CD247: variants seen among roughly 807,000 people sequenced by gnomAD.
CD247 encodes T-cell surface glycoprotein CD3 zeta chain.
In CD247, 13 loss-of-function variants were observed where a neutral mutation model predicts 30.0. That is an observed-to-expected ratio of 0.43 (90% CI 0.28 to 0.69). CD247 has a LOEUF of 0.69. Ranked by LOEUF, CD247 falls within the 30% of genes least tolerant of loss-of-function variation. The pLI is 0.16. For synonymous variants in CD247, 72 were observed against 80.0 expected (o/e 0.90, Z 0.53); for missense variants, 193 against 212.6 (o/e 0.91, Z 0.57).
intron 1 of CD247, among the ~76,000 whole-genome samples, chr1:167,470,642 C>G (rs545592317): frequency 3.2e-4 from 48 of 151,476 alleles, no homozygotes; most frequent in African/African-American, 1.1e-3. Flanking sequence ...TTTTTTTCTA[C>G]TGCTTTCCTT....
intron 1 of CD247, among the ~76,000 whole-genome samples, chr1:167,511,056 A>T (rs1020412016): frequency 6.6e-6 from 1 of 152,254 alleles, no homozygotes; most frequent in African/African-American, 2.4e-5. Context: ...CACTACCTGC[A>T]CCGAGCCTGC....
chr1:167,433,533 T>C (rs1571505390), intron 6 of CD247, among the ~76,000 whole-genome samples: 1 of 152,220 alleles, frequency 6.6e-6, no homozygotes, highest in Admixed American at 6.5e-5. Flanking sequence ...AGGGCACATG[T>C]TTCTCATTGG....
At chr1:167,502,276 A>G (rs1295089197) in intron 1 of CD247, among the ~76,000 whole-genome samples, 1 of 152,236 alleles carries the variant, frequency 6.6e-6, no homozygotes, top group Non-Finnish European at 1.5e-5. Context: ...ATCAGCGTTC[A>G]AAACGAATAA....
intron 4 of CD247, 23 bp downstream of exon 4, chr1:167,438,547 C>A (rs753554996): frequency 2.5e-6 from 4 of 1,595,120 alleles, no homozygotes; most frequent in Admixed American, 3.3e-5. Flanking sequence ...CAGGAACACA[C>A]AGGAAGGTAG....
At chr1:167,446,139 C>T (rs1056471914) in intron 1 of CD247, among the ~76,000 whole-genome samples, 1 of 152,164 alleles carries the variant, frequency 6.6e-6, no homozygotes, top group Non-Finnish European at 1.5e-5. Context: ...ATGCAGCTGA[C>T]CTATGGGCTC....
intron 1 of CD247, chr1:167,458,383 T>G (rs1652813861): frequency 6.6e-6 from 1 of 152,448 alleles, no homozygotes; most frequent in African/African-American, 2.4e-5. Context: ...CTGCCCTGCA[T>G]GTGACTCAGG....
chr1:167,459,761 G>A (rs1357438332), intron 1 of CD247: 3 of 152,200 alleles, frequency 2.0e-5, no homozygotes, highest in South Asian at 2.1e-4. Context: ...ATTTGAAAAT[G>A]TGGCTAAAGT....
intron 1 of CD247, among the ~76,000 whole-genome samples, chr1:167,507,256 T>C (rs1655182344): frequency 6.6e-6 from 1 of 150,828 alleles, no homozygotes; most frequent in African/African-American, 2.4e-5. Flanking sequence ...AGAGAAGGAA[T>C]GGTGATTGGA....
intron 1 of CD247, among the ~76,000 whole-genome samples, chr1:167,449,149 C>CTTTTTTCTTTTTCT (rs1553229954): frequency 7.5e-5 from 5 of 66,420 alleles, no homozygotes; most frequent in African/African-American, 3.8e-4. Flanking sequence ...TTTTTCTTTT[C>CTTTTTTCTTTTTCT]TTTTTTTTTT....
At chr1:167,513,817 C>T (rs1478015282) in intron 1 of CD247, among the ~76,000 whole-genome samples, 2 of 152,058 alleles carry the variant, frequency 1.3e-5, no homozygotes, top group Non-Finnish European at 2.9e-5. Flanking sequence ...CTGAAATAAA[C>T]AAATAGTGGA....
At chr1:167,485,926 A>C (rs983694187) in intron 1 of CD247, among the ~76,000 whole-genome samples, 8 of 152,110 alleles carry the variant, frequency 5.3e-5, no homozygotes, top group Admixed American at 4.6e-4. Flanking sequence ...ACAACCAGGT[A>C]ATTAACTGAA....
chr1:167,443,918 C>T (rs1651954044), intron 1 of CD247, among the ~76,000 whole-genome samples: 1 of 152,198 alleles, frequency 6.6e-6, no homozygotes, highest in African/African-American at 2.4e-5. Context: ...GCCCAGAAAG[C>T]TCCATGCAGG....
At chr1:167,432,041 C>T (rs553999525) in intron 7 of CD247, among the ~76,000 whole-genome samples, 44 of 152,234 alleles carry the variant, frequency 2.9e-4, no homozygotes, top group Non-Finnish European at 5.0e-4. Context: ...GCTTGGGCCC[C>T]GCCAACTTCC....
intron 1 of CD247, among the ~76,000 whole-genome samples, chr1:167,500,724 A>T (rs1654863395): frequency 6.6e-6 from 1 of 152,250 alleles, no homozygotes; most frequent in Admixed American, 6.5e-5. Context: ...AAATCAGAGA[A>T]TAACAGCAAA....
At chr1:167,501,338 C>T (rs1051565195) in intron 1 of CD247, among the ~76,000 whole-genome samples, 8 of 152,112 alleles carry the variant, frequency 5.3e-5, no homozygotes, top group Non-Finnish European at 8.8e-5. Context: ...GGATTACAGG[C>T]GTAAGCCACT....
intron 1 of CD247, among the ~76,000 whole-genome samples, chr1:167,454,524 G>T (rs1269810028): frequency 6.6e-6 from 1 of 152,264 alleles, no homozygotes; most frequent in East Asian, 1.9e-4. Flanking sequence ...CCCTGGCTCA[G>T]TACATTTCTG....
chr1:167,450,911 C>CA lies in CD247; in HGVS notation c.59-10145dup, dbSNP rs35555237. On this transcript the variant is annotated intron_variant, in intron 1 of 7. Coordinates refer to ENST00000362089, the MANE Select transcript of CD247 (RefSeq NM_198053.3). The stretch of plus-strand genomic sequence containing the variant: ...CTGGTGACAGAGCAAGCATCTGTCT[C>CA]AAAAAAAAAAAAAAAAGAAAAGAAA... Among the ~76,000 whole-genome samples, 282 of 116,484 alleles carry CA rather than the reference C, an allele frequency of 2.4e-3. 2 individuals are homozygous for CA. The highest frequency in any genetic ancestry group is 0.012 in the Middle Eastern group (3 of 246). 76.4% of individuals were successfully genotyped at this position (116,484 alleles called of 152,430 possible). A position where few individuals can be genotyped will look rare whatever the true frequency, so the allele number is the denominator to read the frequency against.
chr1:167,496,190 G>A (rs1244661017), intron 1 of CD247, among the ~76,000 whole-genome samples: 2 of 152,190 alleles, frequency 1.3e-5, no homozygotes, highest in Non-Finnish European at 2.9e-5. Flanking sequence ...TGTATGGCAA[G>A]AATTGTGAAA....
intron 1 of CD247, among the ~76,000 whole-genome samples, chr1:167,487,048 T>G (rs1393848441): frequency 7.0e-6 from 1 of 143,880 alleles, no homozygotes; most frequent in Non-Finnish European, 1.5e-5. Flanking sequence ...CACTCCAGCC[T>G]GGGTGACAGA....
Sources: allele counts gnomAD v4.1 joint callset (sites outside exome capture counted in the v4.1 genomes callset), GRCh38; gene constraint gnomAD v4.1.1; transcripts MANE v1.5; gene names NCBI Gene and HGNC (gene_info 2026-07-23, HGNC 2026-07-21).